Variants in PCSK5 observed in about 807,000 individuals in gnomAD.
PCSK5 encodes proprotein convertase subtilisin/kexin type 5.
In PCSK5, 129 loss-of-function variants were observed where a neutral mutation model predicts 233.2. That is an observed-to-expected ratio of 0.55 (90% CI 0.48 to 0.64). PCSK5 has a LOEUF of 0.64. PCSK5 is among the 30% of genes least tolerant of loss of function. PCSK5 has a pLI of 0.00. For missense variants in PCSK5, 2,076 were observed against 2,430.1 expected, an observed-to-expected ratio of 0.85 and a Z score of 3.06; for synonymous variants, 825 against 879.2, an observed-to-expected ratio of 0.94 and a Z score of 1.09.
intron 2 of PCSK5, among the ~76,000 whole-genome samples, chr9:75,951,578 C>G (rs1014009189): frequency 1.3e-5 from 2 of 152,108 alleles, no homozygotes; most frequent in African/African-American, 4.8e-5. Context: ...TACCCTGTAG[C>G]TTTTCAACAG....
At chr9:76,292,340 C>T (rs1828304552) in intron 25 of PCSK5, 65 bp downstream of exon 25, 3 of 1,012,538 alleles carry the variant, frequency 3.0e-6, no homozygotes, top group Non-Finnish European at 1.6e-6. Flanking sequence ...TGACATAATC[C>T]TCAATCCAGC....
At chr9:76,039,174 C>T (rs1212270038) in intron 5 of PCSK5, among the ~76,000 whole-genome samples, 2 of 152,072 alleles carry the variant, frequency 1.3e-5, no homozygotes, top group Non-Finnish European at 2.9e-5. Context: ...TATGTTCGTC[C>T]CATATTCTCA....
chr9:76,301,661 G>A (rs758328927), intron 27 of PCSK5, among the ~76,000 whole-genome samples: 1 of 152,132 alleles, frequency 6.6e-6, no homozygotes, highest in African/African-American at 2.4e-5. Context: ...TGGCCAACAC[G>A]GTGAAACCCC....
In PCSK5 at chr9:76,134,089, C is replaced by A; in HGVS notation, c.1209-20C>A. 4.9e-6 allele frequency: 7 copies of A among 1,418,392 alleles called. No individual in the cohort carries two copies. Among genetic ancestry groups the A allele is most frequent in the Non-Finnish European group, 5.9e-6 (6 of 1,025,594 alleles). The allele number at this position is 1,418,392 out of a possible 1,614,324, so 87.9% of individuals were successfully genotyped here. A position where few individuals can be genotyped will look rare whatever the true frequency, so the allele number is the denominator to read the frequency against. ...CTTTTTTTTTTTTGGTACAATGATT[C>A]TTACCTTGTCTTTCCCCAGTCCGTT... On this transcript the variant is annotated intron_variant, in intron 9 of 37. Coordinates refer to ENST00000674117, the MANE Select transcript of PCSK5 (RefSeq NM_001372043.1).
intron 20 of PCSK5, among the ~76,000 whole-genome samples, chr9:76,216,225 G>A (rs1825525689): frequency 6.6e-6 from 1 of 152,146 alleles, no homozygotes; most frequent in Non-Finnish European, 1.5e-5. Flanking sequence ...GCCACTGGTG[G>A]AACCCGGCGC....
chr9:76,234,732 C>T (rs1450394853), intron 22 of PCSK5, among the ~76,000 whole-genome samples: 2 of 152,112 alleles, frequency 1.3e-5, no homozygotes, highest in African/African-American at 2.4e-5. Flanking sequence ...TGAGATAAAA[C>T]AATAAAGCAT....
intron 30 of PCSK5, among the ~76,000 whole-genome samples, chr9:76,318,671 G>A (rs1261499451): frequency 6.6e-6 from 1 of 152,044 alleles, no homozygotes; most frequent in African/African-American, 2.4e-5. Context: ...CAAACACGCT[G>A]GTACTCAAAA....
intron 1 of PCSK5, among the ~76,000 whole-genome samples, chr9:75,891,621 T>G (rs1825609026): frequency 6.6e-6 from 1 of 152,014 alleles, no homozygotes; most frequent in Non-Finnish European, 1.5e-5. Flanking sequence ...CACGCGGGAC[T>G]GGTAGGGTCT....
intron 21 of PCSK5, among the ~76,000 whole-genome samples, chr9:76,228,848 T>C (rs180824503): frequency 2.6e-5 from 4 of 152,340 alleles, no homozygotes; most frequent in Non-Finnish European, 5.9e-5. Flanking sequence ...TGCAAGACTA[T>C]AATATTCTTG....
intron 7 of PCSK5, among the ~76,000 whole-genome samples, chr9:76,092,853 T>C (rs376019264): frequency 1.3e-5 from 2 of 152,178 alleles, no homozygotes; most frequent in African/African-American, 4.8e-5. Flanking sequence ...ATTAAAAAAT[T>C]ATCTCTTAAC....
intron 5 of PCSK5, among the ~76,000 whole-genome samples, chr9:76,040,992 C>T (rs1393270575): frequency 2.6e-5 from 4 of 152,132 alleles, no homozygotes; most frequent in Admixed American, 2.6e-4. Context: ...GATTTGGAGA[C>T]CATCAGTTTT....
intron 5 of PCSK5, among the ~76,000 whole-genome samples, chr9:76,035,120 C>T (rs1224785857): frequency 2.0e-5 from 3 of 152,164 alleles, no homozygotes; most frequent in African/African-American, 7.2e-5. Context: ...ATAAATTCTT[C>T]TCAGGTTATC....
chr9:75,891,058 G>A lies in PCSK5; in HGVS notation c.-124G>A, dbSNP rs983388548. On this transcript the variant is annotated 5_prime_UTR_variant, in exon 1 of 38. Coordinates refer to ENST00000674117, the MANE Select transcript of PCSK5 (RefSeq NM_001372043.1). ...GCTAGCCGCCTCCTGCCGATCGCCC[G>A]GGGCTGCGAGCTGCGGCGGCCCGGG... 4.5e-6 allele frequency: 4 copies of A among 885,170 alleles called. No individual in the cohort carries two copies. Among genetic ancestry groups the A allele is most frequent in the East Asian group, 6.7e-5 (2 of 29,846 alleles). The allele number at this position is 885,170 out of a possible 1,614,324, so 54.8% of individuals were successfully genotyped here.
chr9:76,202,581 C>T (rs562059473), intron 20 of PCSK5, among the ~76,000 whole-genome samples: 2 of 152,158 alleles, frequency 1.3e-5, no homozygotes, highest in African/African-American at 4.8e-5. Flanking sequence ...TTTCCTGCCA[C>T]ATTTACTTTC....
intron 24 of PCSK5, among the ~76,000 whole-genome samples, chr9:76,247,420 C>T (rs1217022159): frequency 6.6e-6 from 1 of 152,222 alleles, no homozygotes; most frequent in African/African-American, 2.4e-5. Flanking sequence ...TTGTCCCTCC[C>T]TCTGTGCTCT....
intron 28 of PCSK5, among the ~76,000 whole-genome samples, chr9:76,307,455 C>A (rs1388998513): frequency 6.6e-6 from 1 of 152,112 alleles, no homozygotes; most frequent in African/African-American, 2.4e-5. Flanking sequence ...TCTGAGCAAT[C>A]CCTGAGCTCT....
chr9:76,202,887 C>T (rs929886900), intron 20 of PCSK5, among the ~76,000 whole-genome samples: 2 of 151,902 alleles, frequency 1.3e-5, no homozygotes, highest in African/African-American at 4.8e-5. Context: ...TCTGTAAATG[C>T]CTTATATGTC....
At chr9:75,964,401 T>A (rs1329311231) in intron 2 of PCSK5, among the ~76,000 whole-genome samples, 1 of 152,136 alleles carries the variant, frequency 6.6e-6, no homozygotes, top group African/African-American at 2.4e-5. Flanking sequence ...ACATTGAGAG[T>A]ATTCTAGAAC....
In PCSK5 at chr9:76,150,899, T is replaced by C. The variant is rs142919092; in HGVS notation, c.1313-6146T>C. 9.7e-3 allele frequency among the ~76,000 whole-genome samples: 1,479 copies of C among 152,146 alleles called. 21 individuals are homozygous for C. Among genetic ancestry groups the C allele is most frequent in the African/African-American group, 0.033 (1,389 of 41,474 alleles). On this transcript the variant is annotated intron_variant, in intron 10 of 37. Coordinates refer to ENST00000674117, the MANE Select transcript of PCSK5 (RefSeq NM_001372043.1). ...CGTTCTGGCTTTCCACTATCAGATA[T>C]TTAGGTGTGAAACTGCCGACATGAG...
Sources: allele counts gnomAD v4.1 joint callset (sites outside exome capture counted in the v4.1 genomes callset), GRCh38; gene constraint gnomAD v4.1.1; transcripts MANE v1.5; gene names NCBI Gene and HGNC (gene_info 2026-07-23, HGNC 2026-07-21).